PIWIL2: variants seen among roughly 807,000 people sequenced by gnomAD.
PIWIL2 encodes piwi-like protein 2.
PIWIL2 carries 81 observed loss-of-function variants against 116.5 expected under a neutral mutation model. The observed-to-expected ratio is 0.70, with a 90% CI of 0.58 to 0.84. PIWIL2 has a LOEUF of 0.84. Among genes scored for constraint, PIWIL2 ranks in the 40% least tolerant of loss-of-function variants. PIWIL2 has a pLI of 0.00. For synonymous variants in PIWIL2, 489 were observed against 429.5 expected, an observed-to-expected ratio of 1.14 and a Z score of -1.71; for missense variants, 1,272 against 1,212.3, an observed-to-expected ratio of 1.05 and a Z score of -0.73.
intron 20 of PIWIL2, among the ~76,000 whole-genome samples, chr8:22,326,335 A>G (rs1343960427): frequency 1.3e-5 from 2 of 152,182 alleles, no homozygotes; most frequent in African/African-American, 2.4e-5. Context: ...AGCCTGGGCA[A>G]CATGGTGAAA....
Position 22,281,384 on chromosome 8 carries a change from C to A in PIWIL2, c.294C>A (p.Gly98=). The A allele has an allele frequency of 1.9e-6, 3 of 1,609,106 alleles. No individual in the cohort carries two copies. The highest frequency in any genetic ancestry group is 2.5e-6 in the Non-Finnish European group (3 of 1,178,938). The change falls in exon 4 of 23, where the codon GGC becomes GGA. Residue 98 remains glycine, a synonymous_variant. Transcript: ENST00000356766. The part of the protein sequence containing the change: ...LKREMLPSGR[G]ILGRGLSANL... ...TTCGGTTCTTTCTTTCAGGTAGAGGCATTTTAGGTCGAGGCTTGTCTGCTA... is the reference window on the plus strand; with the variant it reads ...TTCGGTTCTTTCTTTCAGGTAGAGGAATTTTAGGTCGAGGCTTGTCTGCTA...
rs544344078 is a variant in PIWIL2 at position 22,328,004 on chromosome 8, C to G, written c.2403+9729C>G. ...TTTTGTTCCTTATGGTTTTGGTGCT[C>G]AATCTAAGAATTCATTGCCAAATCC... On this transcript the variant is annotated intron_variant, in intron 20 of 22. Coordinates refer to ENST00000356766, the MANE Select transcript of PIWIL2 (RefSeq NM_018068.5). Among the ~76,000 whole-genome samples, 10 of 151,664 alleles carry G rather than the reference C, an allele frequency of 6.6e-5. No homozygotes were observed. In the South Asian group the frequency reaches 2.1e-3, roughly 32 times the overall value.
intron 20 of PIWIL2, among the ~76,000 whole-genome samples, chr8:22,348,629 G>A (rs1371051274): frequency 6.6e-6 from 1 of 152,058 alleles, no homozygotes; most frequent in African/African-American, 2.4e-5. Flanking sequence ...AAATTAGCCG[G>A]GCTTGATGGC....
chr8:22,303,984 A>G (rs1234748508), intron 10 of PIWIL2, 37 bp from the exon 11 acceptor site: 4 of 1,410,922 alleles, frequency 2.8e-6, no homozygotes, highest in Non-Finnish European at 4.0e-6. Context: ...TTCTGGATAT[A>G]TACTGTGATC....
chr8:22,343,677 T>C (rs1453322667), intron 20 of PIWIL2, among the ~76,000 whole-genome samples: 3 of 152,146 alleles, frequency 2.0e-5, no homozygotes, highest in African/African-American at 7.2e-5. Context: ...AACTGCAAAT[T>C]AAAACAATCA....
intron 20 of PIWIL2, among the ~76,000 whole-genome samples, chr8:22,327,196 T>TTTTTG (rs1163999294): frequency 2.6e-5 from 4 of 151,458 alleles, no homozygotes; most frequent in African/African-American, 4.8e-5. Flanking sequence ...ACCCAGCTAA[T>TTTTTG]TTTTGTTTTG....
At chr8:22,338,711 TAAATAAATAAATAAC>T (rs1401364702) in intron 20 of PIWIL2, among the ~76,000 whole-genome samples, 1 of 151,672 alleles carries the variant, frequency 6.6e-6, no homozygotes, top group Non-Finnish European at 1.5e-5. Flanking sequence ...AATAAATAAA[TAAATAAATAAATAAC>T]AACATTTATG....
At chr8:22,345,006 G>C (rs1832192454) in intron 20 of PIWIL2, among the ~76,000 whole-genome samples, 1 of 152,116 alleles carries the variant, frequency 6.6e-6, no homozygotes, top group Non-Finnish European at 1.5e-5. Context: ...GAAAACAGTT[G>C]GGCAGTTCCT....
chr8:22,297,805 G>A (rs181801505), intron 10 of PIWIL2, among the ~76,000 whole-genome samples: 2 of 152,276 alleles, frequency 1.3e-5, no homozygotes, highest in Admixed American at 6.5e-5. Context: ...GGTCTAATGG[G>A]CCTCCAACCA....
At chr8:22,278,311 G>C (rs1448464084) in intron 1 of PIWIL2, among the ~76,000 whole-genome samples, 1 of 152,148 alleles carries the variant, frequency 6.6e-6, no homozygotes, top group Non-Finnish European at 1.5e-5. Context: ...CTTGAGCCCA[G>C]GTGTTTGAGA....
chr8:22,333,903 TG>T (rs1163573888), intron 20 of PIWIL2, among the ~76,000 whole-genome samples: 13 of 151,818 alleles, frequency 8.6e-5, no homozygotes, highest in Non-Finnish European at 1.9e-4. Context: ...AGATGATTAG[TG>T]GTTTCCAGAG....
chr8:22,326,957 A>G (rs2132072985), intron 20 of PIWIL2, among the ~76,000 whole-genome samples: 1 of 151,500 alleles, frequency 6.6e-6, no homozygotes, highest in Non-Finnish European at 1.5e-5. Context: ...TTACATTCCT[A>G]CCAGTAATGC....
chr8:22,301,558 T>C (rs992104822), intron 10 of PIWIL2, among the ~76,000 whole-genome samples: 12 of 152,052 alleles, frequency 7.9e-5, no homozygotes, highest in African/African-American at 2.4e-4. Flanking sequence ...CCTCCCAAAG[T>C]GCTGGGATTA....
rs767122780 is a variant in PIWIL2, at chr8:22,304,175, G to C, written c.1336G>C (p.Asp446His). The change falls in exon 11 of 23, where the codon GAT becomes CAT. Residue 446 changes from aspartate (D) to histidine (H), a missense_variant. Physicochemically the swap from Asp to His is moderately conservative, Grantham distance 81. Transcript: ENST00000356766. ...TCCAAAGGATAGCTTCACGATGTCT[G>C]ATGGGAAAGAGATCACATTCTTGGA... ...KTPKDSFTMS[D>H]GKEITFLEYY... 8 of 1,613,552 alleles carry C rather than the reference G, an allele frequency of 5.0e-6. No individual in the cohort carries two copies. The African/African-American group carries it at 8.0e-5, about 16-fold the overall frequency.
At chr8:22,303,751 TC>T (rs910999973) in intron 10 of PIWIL2, among the ~76,000 whole-genome samples, 4 of 152,000 alleles carry the variant, frequency 2.6e-5, no homozygotes, top group Non-Finnish European at 4.4e-5. Context: ...TCCTTTTTTT[TC>T]CCCCACCAAG....
chr8:22,297,745 G>C (rs1013845530), intron 10 of PIWIL2, among the ~76,000 whole-genome samples: 4 of 152,092 alleles, frequency 2.6e-5, no homozygotes, highest in Non-Finnish European at 5.9e-5. Context: ...TTACTGATAG[G>C]AACCATTTGG....
At chr8:22,340,045 A>ATTTTTTTTTTTTTT (rs10626386) in intron 20 of PIWIL2, among the ~76,000 whole-genome samples, 1 of 93,772 alleles carries the variant, frequency 1.1e-5, no homozygotes, top group Non-Finnish European at 1.9e-5. Context: ...TATAAAAAGA[A>ATTTTTTTTTTTTTT]TTTTTTTTTT....
At chr8:22,331,036 TGTG>T (rs1312248735) in intron 20 of PIWIL2, among the ~76,000 whole-genome samples, 1 of 151,626 alleles carries the variant, frequency 6.6e-6, no homozygotes, top group African/African-American at 2.4e-5. Flanking sequence ...ATTAGCCTGG[TGTG>T]GTGGTGGACT....
rs1336638449 is a variant in PIWIL2, at chr8:22,324,606, A to G, written c.2403+6331A>G. Among the ~76,000 whole-genome samples the G allele has an allele frequency of 3.9e-5, 6 of 152,298 alleles. No individual in the cohort carries two copies. The South Asian group carries it at 1.0e-3, about 26-fold the overall frequency. ...CCATCAGGTCCTTAGGAACTCTAACATGAAGGTTTAAAAGTATAGTTCTTG... is the reference window on the plus strand; with the variant it reads ...CCATCAGGTCCTTAGGAACTCTAACGTGAAGGTTTAAAAGTATAGTTCTTG... On this transcript the variant is annotated intron_variant, in intron 20 of 22. Transcript: ENST00000356766.
Sources: gnomAD v4.1 joint callset for allele counts (sites outside exome capture counted in the v4.1 genomes callset) on GRCh38, gnomAD v4.1.1 for gene constraint, MANE v1.5 for transcripts, NCBI Gene and HGNC (gene_info 2026-07-23, HGNC 2026-07-21) for gene names.